Variants in NEGR1 observed in about 807,000 individuals in gnomAD.
NEGR1 encodes the protein IgLON family member 4.
NEGR1 carries 10 observed loss-of-function variants against 40.9 expected under a neutral mutation model. That is an observed-to-expected ratio of 0.24 (90% CI 0.15 to 0.42). The LOEUF is 0.42. Among genes scored for constraint, NEGR1 ranks in the 10% least tolerant of loss-of-function variants. The pLI, the probability that NEGR1 is intolerant of heterozygous loss-of-function variation, is 1.00. For synonymous variants in NEGR1, 185 were observed against 166.8 expected (o/e 1.11, Z -0.84); for missense variants, 352 against 438.9 (o/e 0.80, Z 1.77).
At chr1:72,092,226 A>G (rs557098776) in intron 1 of NEGR1, among the ~76,000 whole-genome samples, 1 of 152,288 alleles carries the variant, frequency 6.6e-6, no homozygotes, top group African/African-American at 2.4e-5. Flanking sequence ...GGTAGAGACT[A>G]GCCTGAACCA....
chr1:71,762,284 A>G (rs1412620144), intron 3 of NEGR1, among the ~76,000 whole-genome samples: 1 of 151,728 alleles, frequency 6.6e-6, no homozygotes, highest in East Asian at 1.9e-4. Context: ...AAACAGAAAA[A>G]GAAAAAAGAA....
In NEGR1 at chr1:71,934,996, T is replaced by C. The variant is rs575835512; in HGVS notation, c.409+83A>G. ...CAACAAATATTTCAACATTGTTAAC[T>C]GCTTCCTAGTCATTTTGATACCTAA... On this transcript the variant is annotated intron_variant, in intron 2 of 6. Transcript: ENST00000357731. 1.8e-3 allele frequency: 1,370 copies of C among 766,338 alleles called. 3 individuals carry two copies. Among genetic ancestry groups the C allele is most frequent in the Non-Finnish European group, 2.6e-3 (1,186 of 453,702 alleles). 47.5% of individuals were successfully genotyped at this position (766,338 alleles called of 1,614,324 possible). A position where few individuals can be genotyped will look rare whatever the true frequency, so the allele number is the denominator to read the frequency against.
chr1:71,782,021 C>T (rs936058143), intron 2 of NEGR1, among the ~76,000 whole-genome samples: 9 of 152,134 alleles, frequency 5.9e-5, no homozygotes, highest in African/African-American at 2.2e-4. Flanking sequence ...AATTGTATCA[C>T]TGATGACTTT....
chr1:72,195,411 TA>T (rs1331725906), intron 1 of NEGR1, among the ~76,000 whole-genome samples: 1 of 151,986 alleles, frequency 6.6e-6, no homozygotes, highest in African/African-American at 2.4e-5. Flanking sequence ...AAAATTCTTT[TA>T]AAAGTCCACG....
At position 72,196,999 on chromosome 1, in the gene NEGR1, A is replaced by G. The variant is rs544087828; in HGVS notation, c.176+85320T>C. 2.0e-5 allele frequency among the ~76,000 whole-genome samples: 3 copies of G among 152,074 alleles called. No individual in the cohort carries two copies. In the South Asian group the frequency reaches 6.2e-4, roughly 32 times the overall value. On this transcript the variant is annotated intron_variant, in intron 1 of 6. Transcript: ENST00000357731. ...TTGGACAACTAATCAGGTTGTCCAA[A>G]ATTATCTAGCCTCTGATTTCTATTT...
Position 71,396,626 on chromosome 1 carries a change from G to T in NEGR1, c.*10820C>A, listed in dbSNP as rs748287489. Reference sequence around the variant, plus strand: ...TATTGTGAGAGGGACTTGGTGGGAGGTAATTGAACCATGGGGGCAGGTCTT... The same window carrying T: ...TATTGTGAGAGGGACTTGGTGGGAGTTAATTGAACCATGGGGGCAGGTCTT... On this transcript the variant is annotated 3_prime_UTR_variant, in exon 7 of 7. Coordinates refer to ENST00000357731, the MANE Select transcript of NEGR1 (RefSeq NM_173808.3). The T allele has an allele frequency of 6.6e-6, 1 of 152,198 alleles. No individual in the cohort carries two copies. The highest frequency in any genetic ancestry group is 1.5e-5 in the Non-Finnish European group (1 of 68,064). The allele number at this position is 152,198 out of a possible 1,614,324, so 9.4% of individuals were successfully genotyped here.
At chr1:71,710,560 C>T (rs1228345101) in intron 3 of NEGR1, among the ~76,000 whole-genome samples, 4 of 152,138 alleles carry the variant, frequency 2.6e-5, no homozygotes, top group African/African-American at 9.7e-5. Context: ...AAATGAGATC[C>T]TTTCATTTGC....
intron 6 of NEGR1, among the ~76,000 whole-genome samples, chr1:71,502,826 T>C (rs894381205): frequency 6.6e-6 from 1 of 152,154 alleles, no homozygotes; most frequent in Non-Finnish European, 1.5e-5. Flanking sequence ...ATGACTGAGA[T>C]GTATCCTAGA....
intron 1 of NEGR1, among the ~76,000 whole-genome samples, chr1:71,983,422 A>G (rs982096923): frequency 6.6e-6 from 1 of 152,160 alleles, no homozygotes; most frequent in Non-Finnish European, 1.5e-5. Context: ...GGCAAACTCA[A>G]ATAAAATAGA....
intron 1 of NEGR1, among the ~76,000 whole-genome samples, chr1:71,975,387 C>A (rs1051596789): frequency 3.8e-4 from 58 of 152,090 alleles, no homozygotes; most frequent in African/African-American, 1.3e-3. Context: ...TTAAAAAATA[C>A]TGCAACCTAA....
intron 1 of NEGR1, among the ~76,000 whole-genome samples, chr1:72,065,457 C>T (rs907548474): frequency 5.3e-5 from 8 of 152,050 alleles, no homozygotes; most frequent in Non-Finnish European, 1.2e-4. Flanking sequence ...TAACTGTCTG[C>T]CCAAATTTGA....
At chr1:71,747,274 T>A (rs1465256117) in intron 3 of NEGR1, among the ~76,000 whole-genome samples, 1 of 152,054 alleles carries the variant, frequency 6.6e-6, no homozygotes, top group Non-Finnish European at 1.5e-5. Context: ...CTAGACAGGA[T>A]CAGATATCAT....
chr1:72,211,664 A>G (rs1412606985), intron 1 of NEGR1, among the ~76,000 whole-genome samples: 1 of 151,240 alleles, frequency 6.6e-6, no homozygotes, highest in Non-Finnish European at 1.5e-5. Context: ...TCATTTATAA[A>G]TGAACTAATA....
intron 6 of NEGR1, among the ~76,000 whole-genome samples, chr1:71,462,926 G>T (rs1646723326): frequency 6.6e-6 from 1 of 152,094 alleles, no homozygotes; most frequent in Non-Finnish European, 1.5e-5. Flanking sequence ...AGAGGGGAAA[G>T]GAATAGTAAG....
intron 2 of NEGR1, among the ~76,000 whole-genome samples, chr1:71,803,793 T>G (rs1657651235): frequency 6.6e-6 from 1 of 152,218 alleles, no homozygotes; most frequent in South Asian, 2.1e-4. Flanking sequence ...TATGTTTTGT[T>G]TCTTGTCCCT....
chr1:71,419,656 T>A (rs1283038739), intron 6 of NEGR1, among the ~76,000 whole-genome samples: 1 of 152,186 alleles, frequency 6.6e-6, no homozygotes, highest in Non-Finnish European at 1.5e-5. Context: ...GAAAGTTTTG[T>A]CTCCTCTTGT....
At chr1:71,714,992 C>T (rs1654227931) in intron 3 of NEGR1, among the ~76,000 whole-genome samples, 1 of 152,224 alleles carries the variant, frequency 6.6e-6, no homozygotes, top group Non-Finnish European at 1.5e-5. Context: ...AGAGGTTCTC[C>T]CTAAAGGCTC....
At chr1:71,749,291 C>T (rs1460934395) in intron 3 of NEGR1, among the ~76,000 whole-genome samples, 1 of 152,070 alleles carries the variant, frequency 6.6e-6, no homozygotes, top group Non-Finnish European at 1.5e-5. Flanking sequence ...ATATTATCTC[C>T]ATGTAAAAAT....
At chr1:72,279,546 A>T (rs1656174798) in intron 1 of NEGR1, among the ~76,000 whole-genome samples, 1 of 152,206 alleles carries the variant, frequency 6.6e-6, no homozygotes, top group Non-Finnish European at 1.5e-5. Flanking sequence ...TGAGCACTTC[A>T]TTCATGTATT....
Sources: allele counts gnomAD v4.1 joint callset (sites outside exome capture counted in the v4.1 genomes callset), GRCh38; gene constraint gnomAD v4.1.1; transcripts MANE v1.5; gene names NCBI Gene and HGNC (gene_info 2026-07-23, HGNC 2026-07-21).